STAU1: variants seen among roughly 807,000 people sequenced by gnomAD.
The protein encoded by STAU1 is staufen double-stranded RNA binding protein 1.
STAU1 carries 13 observed loss-of-function variants against 62.9 expected under a neutral mutation model. The ratio of observed to expected loss-of-function variants is 0.21; its 90% CI spans 0.13 to 0.33. The LOEUF is 0.33. STAU1 is among the 10% of genes least tolerant of loss of function. The pLI, the probability that STAU1 is intolerant of heterozygous loss-of-function variation, is 1.00. For synonymous variants in STAU1, 269 were observed against 265.1 expected (o/e 1.01, Z -0.14); for missense variants, 571 against 712.1 (o/e 0.80, Z 2.25).
intron 6 of STAU1, among the ~76,000 whole-genome samples, chr20:49,126,587 A>AAACAAAAAAAAAACAAAACAAAAC (rs1555837189): frequency 1.6e-5 from 1 of 62,410 alleles, no homozygotes; most frequent in African/African-American, 7.5e-5. Flanking sequence ...AAAAAAAAAA[A>AAACAAAAAAAAAACAAAACAAAAC]CAAAAAAAAA....
chr20:49,116,428 G>A (rs890215422), intron 12 of STAU1, among the ~76,000 whole-genome samples: 10 of 152,082 alleles, frequency 6.6e-5, no homozygotes, highest in South Asian at 2.1e-4. Context: ...TCCACCTCCC[G>A]GGTTCAAGCG....
intron 4 of STAU1, 43 bp downstream of exon 4, chr20:49,153,890 T>G (rs577802328): frequency 2.5e-5 from 38 of 1,534,098 alleles, no homozygotes; most frequent in Non-Finnish European, 3.1e-5. Context: ...TCAGACACGT[T>G]TTCTCCTGTA....
chr20:49,135,001 A>G, intron 6 of STAU1: 1 of 1,601,758 alleles, frequency 6.2e-7, no homozygotes, highest in Non-Finnish European at 8.5e-7. Context: ...AGAGTCTTTC[A>G]GGACCTGGAC....
At chr20:49,128,911 T>A (rs2092692067) in intron 6 of STAU1, among the ~76,000 whole-genome samples, 1 of 151,912 alleles carries the variant, frequency 6.6e-6, no homozygotes, top group African/African-American at 2.4e-5. Flanking sequence ...GTTAGCCAAA[T>A]GTATCTCAGC....
At position 49,114,575 on chromosome 20, in the gene STAU1, T is replaced by C; in HGVS notation, c.*303A>G. On this transcript the variant is annotated 3_prime_UTR_variant, in exon 14 of 14. Coordinates refer to ENST00000371856, the MANE Select transcript of STAU1 (RefSeq NM_017453.4). Reference sequence around the variant, plus strand: ...AGACCAAACACGGAGGTGCCCAGGGTGTGGATCTGCTGGTGTCCCGGGAGA... The same window carrying C: ...AGACCAAACACGGAGGTGCCCAGGGCGTGGATCTGCTGGTGTCCCGGGAGA... 1 of 411,638 alleles carries C rather than the reference T, an allele frequency of 2.4e-6. No individual in the cohort carries two copies. The highest frequency in any genetic ancestry group is 5.1e-5 in the South Asian group (1 of 19,584). The allele number at this position is 411,638 out of a possible 1,614,324, so 25.5% of individuals were successfully genotyped here.
rs926177511 is a variant in STAU1, at chr20:49,167,602, T to C, written c.-84-1317A>G. 2.0e-5 allele frequency among the ~76,000 whole-genome samples: 3 copies of C among 152,066 alleles called. No individual in the cohort carries two copies. The South Asian group carries it at 6.2e-4, about 31-fold the overall frequency. On this transcript the variant is annotated intron_variant, in intron 2 of 13. Transcript: ENST00000371856. ...AGAACAAAATAACAGAGGCGTTCCA[T>C]TGAAGATCTACATAATGGTCTTAGA...
intron 6 of STAU1, among the ~76,000 whole-genome samples, chr20:49,129,847 C>T (rs1043788969): frequency 3.3e-5 from 5 of 151,990 alleles, no homozygotes; most frequent in African/African-American, 1.2e-4. Flanking sequence ...AGGCTGGTCT[C>T]TAACTCCTGA....
intron 3 of STAU1, chr20:49,158,920 T>TAAATAAA (rs751209119): frequency 4.4e-5 from 54 of 1,234,164 alleles, no homozygotes; most frequent in Non-Finnish European, 1.8e-5. Flanking sequence ...AATAAATAAA[T>TAAATAAA]AAATAAATAA....
intron 3 of STAU1, among the ~76,000 whole-genome samples, chr20:49,162,787 A>C (rs1366978302): frequency 1.3e-5 from 2 of 151,956 alleles, no homozygotes; most frequent in African/African-American, 2.4e-5. Flanking sequence ...AAAAAAAAAA[A>C]AACAGATTTA....
chr20:49,191,003 C>A (rs1441076210), upstream of STAU1, among the ~76,000 whole-genome samples: 1 of 149,832 alleles, frequency 6.7e-6, no homozygotes, highest in Non-Finnish European at 1.5e-5. Flanking sequence ...TCATAAAAGC[C>A]CTGTGAGACA....
chr20:49,199,543 CTTTATT>C, the STAU1 span, among the ~76,000 whole-genome samples: 7 of 150,466 alleles, frequency 4.7e-5, no homozygotes, highest in East Asian at 4.0e-4. Flanking sequence ...TTATTTTATT[CTTTATT>C]TTTATTTTTA....
chr20:49,175,833 C>G (rs562822394), intron 1 of STAU1, among the ~76,000 whole-genome samples: 132 of 137,266 alleles, frequency 9.6e-4, no homozygotes, highest in Non-Finnish European at 1.4e-3. Flanking sequence ...GTCTCGCTGT[C>G]GTCCAGGCTG....
chr20:49,145,858 C>A (rs348281), intron 5 of STAU1, among the ~76,000 whole-genome samples: 16 of 152,046 alleles, frequency 1.1e-4, no homozygotes, highest in Non-Finnish European at 2.4e-4. Context: ...TGTCTGTGTA[C>A]AGCCACTGCA....
rs563777879 is a variant in STAU1, at chr20:49,114,668, G to C, written c.*210C>G. The C allele has an allele frequency of 1.1e-4, 60 of 528,554 alleles. No homozygotes were observed. Among genetic ancestry groups the C allele is most frequent in the African/African-American group, 5.9e-4 (31 of 52,656 alleles). 32.7% of individuals were successfully genotyped at this position (528,554 alleles called of 1,614,324 possible). ...ATTGCGTAGGGACCGCCAGGTCACC[G>C]AGTGGCCATCACAACAAACCCCAGC... On this transcript the variant is annotated 3_prime_UTR_variant, in exon 14 of 14. Coordinates refer to ENST00000371856, the MANE Select transcript of STAU1 (RefSeq NM_017453.4).
chr20:49,127,225 G>A (rs1374359603), intron 6 of STAU1, among the ~76,000 whole-genome samples: 2 of 151,990 alleles, frequency 1.3e-5, no homozygotes, highest in Admixed American at 6.6e-5. Context: ...GTGGTGGCGG[G>A]CACCTGTAAT....
At chr20:49,118,167 C>T in intron 10 of STAU1, 71 bp from the exon 11 acceptor site, 1 of 1,502,358 alleles carries the variant, frequency 6.7e-7, no homozygotes, top group Admixed American at 1.7e-5. Context: ...CACCATCAAA[C>T]CCCACGCTGG....
At chr20:49,193,602 C>G in the STAU1 span, among the ~76,000 whole-genome samples, 2 of 152,084 alleles carry the variant, frequency 1.3e-5, no homozygotes, top group African/African-American at 4.8e-5. Flanking sequence ...ACGCGGGAGG[C>G]GGAGGTTGCA....
chr20:49,209,707 C>T, the STAU1 span, among the ~76,000 whole-genome samples: 1 of 152,128 alleles, frequency 6.6e-6, no homozygotes, highest in Non-Finnish European at 1.5e-5. Flanking sequence ...CATACCATTG[C>T]ACTGCAGCCT....
At chr20:49,168,654 TTA>T (rs1401022366) in intron 2 of STAU1, among the ~76,000 whole-genome samples, 2 of 152,158 alleles carry the variant, frequency 1.3e-5, no homozygotes, top group Non-Finnish European at 2.9e-5. Flanking sequence ...TTTAAAATTT[TTA>T]TGTGTCTTAT....
Sources: allele counts gnomAD v4.1 joint callset (sites outside exome capture counted in the v4.1 genomes callset), GRCh38; gene constraint gnomAD v4.1.1; transcripts MANE v1.5; gene names NCBI Gene and HGNC (gene_info 2026-07-23, HGNC 2026-07-21).